CLSTN2: variants seen among roughly 807,000 people sequenced by gnomAD.
CLSTN2 encodes the protein calsyntenin 2.
Under a neutral mutation model 101.2 loss-of-function variants are expected in CLSTN2, and 48 were observed. The ratio of observed to expected loss-of-function variants is 0.47; its 90% confidence interval spans 0.38 to 0.60. The LOEUF is 0.60. Ranked by LOEUF, CLSTN2 falls within the 20% of genes least tolerant of loss-of-function variation. CLSTN2 has a pLI of 0.00. For synonymous variants in CLSTN2, 481 were observed against 463.6 expected (o/e 1.04, Z -0.48); for missense variants, 1,160 against 1,238.2 (o/e 0.94, Z 0.95).
chr3:140,097,962 T>G (rs1366876712), intron 1 of CLSTN2, among the ~76,000 whole-genome samples: 2 of 152,166 alleles, frequency 1.3e-5, no homozygotes, highest in Non-Finnish European at 1.5e-5. Flanking sequence ...AAATGAATTT[T>G]GTAAATGCCT....
chr3:140,307,413 G>A (rs899283798), intron 2 of CLSTN2, among the ~76,000 whole-genome samples: 3 of 152,082 alleles, frequency 2.0e-5, no homozygotes, highest in Non-Finnish European at 2.9e-5. Flanking sequence ...GCAGAGCAGG[G>A]CATTGACTAT....
chr3:140,192,568 ATTT>A (rs530148324), intron 2 of CLSTN2, among the ~76,000 whole-genome samples: 1 of 149,104 alleles, frequency 6.7e-6, no homozygotes, highest in Non-Finnish European at 1.5e-5. Flanking sequence ...GTCTCCAGTA[ATTT>A]TTTTTTTACT....
At chr3:140,079,918 A>G (rs924773538) in intron 1 of CLSTN2, among the ~76,000 whole-genome samples, 3 of 152,240 alleles carry the variant, frequency 2.0e-5, no homozygotes, top group African/African-American at 7.2e-5. Context: ...GTTTAGGTCC[A>G]GTGCATATAA....
intron 1 of CLSTN2, among the ~76,000 whole-genome samples, chr3:140,037,969 C>G (rs573279092): frequency 9.8e-4 from 149 of 152,186 alleles, no homozygotes; most frequent in African/African-American, 3.4e-3. Flanking sequence ...GGGTTGATTC[C>G]ATGTCTTTGG....
intron 1 of CLSTN2, among the ~76,000 whole-genome samples, chr3:140,042,367 G>T (rs182793207): frequency 6.6e-6 from 1 of 152,120 alleles, no homozygotes; most frequent in Non-Finnish European, 1.5e-5. Flanking sequence ...ACTCAGTACC[G>T]TGTTGTCAAG....
At chr3:140,249,173 T>G (rs2086541215) in intron 2 of CLSTN2, among the ~76,000 whole-genome samples, 1 of 152,154 alleles carries the variant, frequency 6.6e-6, no homozygotes, top group Non-Finnish European at 1.5e-5. Context: ...CCTACCAGTG[T>G]AAGCCTTACT....
At chr3:139,997,291 A>G (rs899391058) in intron 1 of CLSTN2, among the ~76,000 whole-genome samples, 2 of 152,146 alleles carry the variant, frequency 1.3e-5, no homozygotes, top group Admixed American at 1.3e-4. Flanking sequence ...AGTCAAATGT[A>G]TCAATCTTTT....
At chr3:140,489,032 AC>A (rs1309580184) in intron 8 of CLSTN2, among the ~76,000 whole-genome samples, 1 of 152,210 alleles carries the variant, frequency 6.6e-6, no homozygotes, top group Non-Finnish European at 1.5e-5. Context: ...GTTTTGAAAA[AC>A]ATAAATTAGT....
intron 6 of CLSTN2, among the ~76,000 whole-genome samples, chr3:140,458,470 A>T (rs1933471882): frequency 1.3e-5 from 2 of 152,182 alleles, no homozygotes; most frequent in South Asian, 2.1e-4. Flanking sequence ...GAACAGAAGG[A>T]TGGAAAGAAT....
At chr3:140,106,340 T>C (rs1213380090) in intron 1 of CLSTN2, among the ~76,000 whole-genome samples, 1 of 152,198 alleles carries the variant, frequency 6.6e-6, no homozygotes, top group Non-Finnish European at 1.5e-5. Flanking sequence ...ACAGATTTGA[T>C]CAAGAAAGGC....
intron 2 of CLSTN2, among the ~76,000 whole-genome samples, chr3:140,379,142 G>T (rs1364792663): frequency 6.6e-6 from 1 of 152,188 alleles, no homozygotes; most frequent in East Asian, 1.9e-4. Flanking sequence ...CCCACATTCT[G>T]GAAGAATGAA....
chr3:140,472,340 C>T (rs1559879932), intron 8 of CLSTN2, among the ~76,000 whole-genome samples: 1 of 152,132 alleles, frequency 6.6e-6, no homozygotes, highest in Admixed American at 6.6e-5. Flanking sequence ...TGAATACATC[C>T]TTTATTCTTG....
At chr3:140,036,867 A>G (rs1052868315) in intron 1 of CLSTN2, among the ~76,000 whole-genome samples, 1 of 152,164 alleles carries the variant, frequency 6.6e-6, no homozygotes, top group African/African-American at 2.4e-5. Flanking sequence ...CATTTACTCT[A>G]ACTCTTGTAT....
At position 140,468,665 on chromosome 3, in the gene CLSTN2, C is replaced by T. The variant is rs547560031; in HGVS notation, c.1344+1934C>T. Among the ~76,000 whole-genome samples, 17 of 152,332 alleles carry T rather than the reference C, an allele frequency of 1.1e-4. No homozygotes were observed. The East Asian group carries it at 1.5e-3, about 14-fold the overall frequency. On this transcript the variant is annotated intron_variant, in intron 8 of 16. Coordinates refer to ENST00000458420, the MANE Select transcript of CLSTN2 (RefSeq NM_022131.3). ...CAAGAGACTGAGGTCCAGTAGCTTG[C>T]GCAAGGTCACACAGCAAACCGTGGG...
At chr3:139,942,755 CTG>C (rs1298484522) in intron 1 of CLSTN2, among the ~76,000 whole-genome samples, 4 of 152,172 alleles carry the variant, frequency 2.6e-5, no homozygotes, top group Non-Finnish European at 4.4e-5. Flanking sequence ...AGGGGTCAGA[CTG>C]TGTGCAGTTG....
intron 12 of CLSTN2, among the ~76,000 whole-genome samples, chr3:140,561,001 T>C (rs1306595941): frequency 4.6e-5 from 7 of 151,718 alleles, no homozygotes; most frequent in African/African-American, 1.7e-4. Flanking sequence ...TAATATATAA[T>C]ATATACCTAG....
chr3:140,150,424 C>A (rs2009845812), intron 1 of CLSTN2, among the ~76,000 whole-genome samples: 1 of 152,160 alleles, frequency 6.6e-6, no homozygotes, highest in Admixed American at 6.5e-5. Flanking sequence ...GTAAACCCAG[C>A]AATGTGCCAC....
chr3:139,982,163 A>G (rs1335006928), intron 1 of CLSTN2, among the ~76,000 whole-genome samples: 1 of 151,862 alleles, frequency 6.6e-6, no homozygotes, highest in Non-Finnish European at 1.5e-5. Context: ...AAAATACACA[A>G]CTAATTTCTT....
chr3:139,990,426 C>T (rs1010063916), intron 1 of CLSTN2, among the ~76,000 whole-genome samples: 3 of 152,084 alleles, frequency 2.0e-5, no homozygotes, highest in South Asian at 2.1e-4. Context: ...TTCTAGGACC[C>T]GCCCCCTTAC....
Sources: allele counts gnomAD v4.1 joint callset (sites outside exome capture counted in the v4.1 genomes callset), GRCh38; gene constraint gnomAD v4.1.1; transcripts MANE v1.5; gene names NCBI Gene and HGNC (gene_info 2026-07-23, HGNC 2026-07-21).